CUL9: variants seen among roughly 807,000 people sequenced by gnomAD.
CUL9 encodes the protein cullin 9, also known as cullin-9.
Under a neutral mutation model 272.6 loss-of-function variants are expected in CUL9, and 79 were observed. That is an observed-to-expected ratio of 0.29 (90% CI 0.24 to 0.35). The LOEUF is 0.35. CUL9 is among the 10% of genes least tolerant of loss of function. The probability of loss-of-function intolerance (pLI) is 1.00; values close to 1 mark genes in which losing one functional copy is unlikely to be tolerated. For synonymous variants in CUL9, 1,186 were observed against 1,286.5 expected (o/e 0.92, Z 1.67); for missense variants, 2,532 against 3,255.6 (o/e 0.78, Z 5.41).
At position 43,199,997 on chromosome 6, in the gene CUL9, C is replaced by T; in HGVS notation, c.3225C>T (p.Leu1075=). 1 of 1,614,236 alleles carries T rather than the reference C, an allele frequency of 6.2e-7. No homozygotes were observed. The highest frequency in any genetic ancestry group is 8.5e-7 in the Non-Finnish European group (1 of 1,180,044). The change falls in exon 14 of 41, where the codon CTC becomes CTT. Residue 1075 remains leucine (L), a synonymous_variant. Coordinates refer to ENST00000252050, the MANE Select transcript of CUL9 (RefSeq NM_015089.4). The surrounding 1 kb of genome is among the most constrained non-coding windows in gnomAD (Gnocchi z 4.4). ...ASMHKDYAVV[L]CCLGAKEILS... ...TGCATAAGGACTATGCTGTGGTGCT[C>T]TGCTGCCTGGGAGCAAAAGAGATCC...
Position 43,184,153 on chromosome 6 carries a change from T to C in CUL9, c.-9-149T>C. On this transcript the variant is annotated intron_variant, in intron 1 of 40. Coordinates refer to ENST00000252050, the MANE Select transcript of CUL9 (RefSeq NM_015089.4). The surrounding 1 kb of genome is among the most constrained non-coding windows in gnomAD (Gnocchi z 4.8). ...GTATGTTCAGCTATTTATTCCATCC[T>C]ATTTTTTGCCTTTTCTGTTTGGCCT... is the stretch of plus-strand genomic sequence containing the variant. The C allele has an allele frequency of 6.0e-6, 3 of 503,768 alleles. No homozygotes were observed. 31.2% of individuals were successfully genotyped at this position (503,768 alleles called of 1,614,324 possible).
rs931859043 is a variant in CUL9, at chr6:43,213,742, C to T, written c.5518C>T (p.Gln1840Ter). The T allele has an allele frequency of 2.5e-5, 41 of 1,613,612 alleles. No individual in the cohort carries two copies. Among genetic ancestry groups the T allele is most frequent in the Non-Finnish European group, 3.5e-5 (41 of 1,180,020 alleles). ...GVLRLHEPGPQRSGEALWLIP... is the reference protein window; with the variant it reads ...GVLRLHEPGP ...GCTGCGGCTTCATGAGCCTGGGCCCCAGCGCAGTGGGGAGGCCCTGTGGCT... is the reference window on the plus strand; with the variant it reads ...GCTGCGGCTTCATGAGCCTGGGCCCTAGCGCAGTGGGGAGGCCCTGTGGCT... The change falls in exon 29 of 41, where the codon CAG becomes TAG. Residue 1840 changes from glutamine (Q) to a stop codon, truncating the protein, a stop_gained. Coordinates refer to ENST00000252050, the MANE Select transcript of CUL9 (RefSeq NM_015089.4). LOFTEE classifies it high-confidence loss of function. This position sits in a 1 kb window ranked among gnomAD's most constrained non-coding sequence, Gnocchi z 5.7.
At chr6:43,189,254 A>T (rs892595176) in intron 8 of CUL9, among the ~76,000 whole-genome samples, 3 of 151,498 alleles carry the variant, frequency 2.0e-5, no homozygotes, top group African/African-American at 7.3e-5. Flanking sequence ...CAGTGGCGCG[A>T]TCTCGGCTCA....
chr6:43,189,753 G>A (rs1048428322), intron 8 of CUL9, among the ~76,000 whole-genome samples: 7 of 151,998 alleles, frequency 4.6e-5, no homozygotes, highest in African/African-American at 7.3e-5. Flanking sequence ...CTGTTGGCCA[G>A]GCTGGTCTCG....
At chr6:43,222,698 G>T (rs1776475055) in intron 37 of CUL9, 57 bp downstream of exon 37, 8 of 1,603,936 alleles carry the variant, frequency 5.0e-6, no homozygotes, top group Admixed American at 1.7e-5. Context: ...GGTCTGGGGG[G>T]CTTGGCTGCT....
chr6:43,221,852 C>T lies in CUL9; in HGVS notation c.6846+74C>T. 3.8e-6 allele frequency: 5 copies of T among 1,302,910 alleles called. No individual in the cohort carries two copies. Among genetic ancestry groups the T allele is most frequent in the East Asian group, 2.3e-5 (1 of 42,902 alleles). The allele number at this position is 1,302,910 out of a possible 1,614,324, so 80.7% of individuals were successfully genotyped here. Reference sequence around the variant, plus strand: ...AGGGGTGCTGCTACCAGGTCCTGGGCAGACAGGGCTCCTTGTGCAGTGCAG... The same window carrying T: ...AGGGGTGCTGCTACCAGGTCCTGGGTAGACAGGGCTCCTTGTGCAGTGCAG... On this transcript the variant is annotated intron_variant, in intron 35 of 40. Coordinates refer to ENST00000252050, the MANE Select transcript of CUL9 (RefSeq NM_015089.4). The surrounding 1 kb of genome is among the most constrained non-coding windows in gnomAD (Gnocchi z 4.2).
chr6:43,186,994 T>C lies in CUL9; in HGVS notation c.1286T>C (p.Val429Ala). 6.2e-7 allele frequency: 1 copy of C among 1,614,046 alleles called. No homozygotes were observed. Among genetic ancestry groups the C allele is most frequent in the Non-Finnish European group, 8.5e-7 (1 of 1,179,978 alleles). ...FWQSTGRTYW[V>A]HWHMLEILGP... The stretch of plus-strand genomic sequence containing the variant: ...CAGTCGACAGGCCGCACTTACTGGG[T>C]GCACTGGCACATGCTGGAGATCCTG... The change falls in exon 5 of 41, where the codon GTG becomes GCG. Residue 429 changes from valine (V) to alanine (A), a missense_variant. By Grantham distance (64) the Val-to-Ala change is moderately conservative (BLOSUM62 0). This residue lies in a region of CUL9 where 2,218 missense variants were observed against 2,788.6 expected (regional missense o/e 0.80). Coordinates refer to ENST00000252050, the MANE Select transcript of CUL9 (RefSeq NM_015089.4).
rs544225830 is a variant in CUL9, at chr6:43,224,003, T to C, written c.7285-92T>C. The C allele has an allele frequency of 4.9e-5, 60 of 1,232,452 alleles. No individual in the cohort carries two copies. The East Asian group carries it at 1.4e-3, about 28-fold the overall frequency. The allele number at this position is 1,232,452 out of a possible 1,614,324, so 76.3% of individuals were successfully genotyped here. A position where few individuals can be genotyped will look rare whatever the true frequency, so the allele number is the denominator to read the frequency against. ...GGAGGGGAGCAGTCCTAGCAGGAGC[T>C]TGGCCCTCCCAGAGCATCAGTGGAA... On this transcript the variant is annotated intron_variant, in intron 39 of 40. Transcript: ENST00000252050. The surrounding 1 kb of genome is among the most constrained non-coding windows in gnomAD (Gnocchi z 4.2).
intron 7 of CUL9, 121 bp from the exon 8 acceptor site, chr6:43,188,402 C>A: frequency 3.0e-6 from 3 of 1,009,828 alleles, no homozygotes; most frequent in Non-Finnish European, 4.3e-6. Flanking sequence ...GAAAACTCTG[C>A]AAGCTGCAGT....
In CUL9 at chr6:43,205,021, C is replaced by T; in HGVS notation, c.4538C>T (p.Ser1513Phe). 6.2e-7 allele frequency: 1 copy of T among 1,613,410 alleles called. No homozygotes were observed. The highest frequency in any genetic ancestry group is 8.5e-7 in the Non-Finnish European group (1 of 1,179,718). Residue 1513 changes from serine (S) to phenylalanine (F), a missense_variant, in exon 23 of 41, where the codon TCC becomes TTC. This residue lies in a region of CUL9 where 2,218 missense variants were observed against 2,788.6 expected (regional missense o/e 0.80). Transcript: ENST00000252050. ...KLYEHLQRAG[S>F]ELFGPRAAFM... ...TATGAGCACTTGCAGAGAGCAGGCT[C>T]CGAGCTGTTTGGGCCTCGGGCAGCC...
chr6:43,187,491 A>G, intron 6 of CUL9, 52 bp downstream of exon 6: 1 of 1,571,152 alleles, frequency 6.4e-7, no homozygotes, highest in Non-Finnish European at 8.7e-7. Flanking sequence ...TAGAGGTGGG[A>G]TTCTCTAGAG....
intron 21 of CUL9, 33 bp downstream of exon 21, chr6:43,204,572 C>T (rs1462535818): frequency 6.2e-7 from 1 of 1,612,722 alleles, no homozygotes; most frequent in Admixed American, 1.7e-5. Context: ...GGAGCTGACT[C>T]TGCGGACAGT....
intron 1 of CUL9, among the ~76,000 whole-genome samples, chr6:43,182,965 G>A (rs1176565381): frequency 6.6e-6 from 1 of 152,096 alleles, no homozygotes; most frequent in Non-Finnish European, 1.5e-5. Context: ...AACAGATTAT[G>A]TTTACTGAAC....
chr6:43,196,507 C>T, intron 10 of CUL9, 138 bp from the exon 11 acceptor site: 1 of 884,406 alleles, frequency 1.1e-6, no homozygotes, highest in South Asian at 1.4e-5. Context: ...GGCCCAAGGT[C>T]AGGGGATCAG....
In CUL9 at chr6:43,207,472, T is replaced by C. The variant is rs1305780768; in HGVS notation, c.5212+962T>C. On this transcript the variant is annotated intron_variant, in intron 26 of 40. Coordinates refer to ENST00000252050, the MANE Select transcript of CUL9 (RefSeq NM_015089.4). ...GGTTGTCAAGGGTATCATTAGTTTA[T>C]TCATTTATTTTGCTGAGTCATATTC... Among the ~76,000 whole-genome samples, 3 of 152,368 alleles carry C rather than the reference T, an allele frequency of 2.0e-5. No homozygotes were observed. The East Asian group carries it at 5.8e-4, about 29-fold the overall frequency.
At chr6:43,201,770 C>T (rs1313081014) in intron 16 of CUL9, among the ~76,000 whole-genome samples, 7 of 152,332 alleles carry the variant, frequency 4.6e-5, no homozygotes, top group African/African-American at 7.2e-5. Flanking sequence ...TGAACCACTG[C>T]GCCCGGCCGA....
At chr6:43,186,482 T>A (rs778270384) in intron 4 of CUL9, 27 bp downstream of exon 4, 2 of 1,557,388 alleles carry the variant, frequency 1.3e-6, no homozygotes, top group Non-Finnish European at 1.7e-6. Context: ...GGTGAGACAC[T>A]GTTGGGAGTT....
chr6:43,198,526 T>A lies in CUL9; in HGVS notation c.2804-83T>A, dbSNP rs1292923269. 4 of 1,553,892 alleles carry A rather than the reference T, an allele frequency of 2.6e-6. No homozygotes were observed. The Admixed American group carries it at 7.7e-5, about 30-fold the overall frequency. On this transcript the variant is annotated intron_variant, in intron 11 of 40. Coordinates refer to ENST00000252050, the MANE Select transcript of CUL9 (RefSeq NM_015089.4). ...TATAGAAGGAAAATTTTGGGGTGAT[T>A]TTCTGGACCTTCCCAGTTCTCAGTT...
intron 11 of CUL9, 45 bp from the exon 12 acceptor site, chr6:43,198,564 A>G (rs766523287): frequency 6.2e-7 from 1 of 1,604,462 alleles, no homozygotes; most frequent in East Asian, 2.2e-5. Context: ...ACAAACTGGT[A>G]AGACTCTTCA....
Sources: gnomAD v4.1 joint callset for allele counts (sites outside exome capture counted in the v4.1 genomes callset) on GRCh38, gnomAD v4.1.1 for gene constraint, gnomAD v4.1.1 regional missense constraint, Gnocchi (gnomAD v3.1) non-coding constraint, MANE v1.5 for transcripts, NCBI Gene and HGNC (gene_info 2026-07-23, HGNC 2026-07-21) for gene names.